PARD3: variants seen among roughly 807,000 people sequenced by gnomAD.
PARD3 encodes partitioning defective 3 homolog.
In PARD3, 75 loss-of-function variants were observed where a neutral mutation model predicts 155.4. That is an observed-to-expected ratio of 0.48 (90% CI 0.40 to 0.58). The LOEUF is 0.58. PARD3 is among the 20% of genes least tolerant of loss of function. The pLI is 0.00. For missense variants in PARD3, 1,642 were observed against 1,721.7 expected (o/e 0.95, Z 0.82); for synonymous variants, 576 against 610.5 (o/e 0.94, Z 0.83).
At chr10:34,153,637 G>A (rs749225246) in intron 22 of PARD3, among the ~76,000 whole-genome samples, 63 of 152,178 alleles carry the variant, frequency 4.1e-4, no homozygotes, top group Admixed American at 2.6e-3. Flanking sequence ...TTTATCAGTA[G>A]TCAGTTTAAT....
At chr10:34,416,106 G>C (rs933134105) in intron 5 of PARD3, among the ~76,000 whole-genome samples, 1 of 152,132 alleles carries the variant, frequency 6.6e-6, no homozygotes, top group African/African-American at 2.4e-5. Flanking sequence ...GTGTATGTAG[G>C]TCTACCCTCC....
chr10:34,747,299 T>C (rs980300425), intron 1 of PARD3, among the ~76,000 whole-genome samples: 1 of 152,178 alleles, frequency 6.6e-6, no homozygotes, highest in Admixed American at 6.5e-5. Context: ...ACAGCCACTC[T>C]AGAGAGAGAC....
intron 2 of PARD3, among the ~76,000 whole-genome samples, chr10:34,673,206 C>T (rs1437923537): frequency 1.3e-5 from 2 of 152,122 alleles, no homozygotes; most frequent in Admixed American, 6.5e-5. Flanking sequence ...CTAAGGAGAA[C>T]CTGCTTCAAT....
At chr10:34,685,632 C>T (rs907797736) in intron 2 of PARD3, among the ~76,000 whole-genome samples, 1 of 147,660 alleles carries the variant, frequency 6.8e-6, no homozygotes, top group African/African-American at 2.5e-5. Context: ...CTCACTTTGT[C>T]GCCCAGGCTG....
At chr10:34,325,159 A>G (rs923306259) in intron 19 of PARD3, among the ~76,000 whole-genome samples, 2 of 152,076 alleles carry the variant, frequency 1.3e-5, no homozygotes, top group African/African-American at 4.8e-5. Flanking sequence ...ACAGGCATGC[A>G]GCACCACGCC....
intron 5 of PARD3, among the ~76,000 whole-genome samples, chr10:34,428,652 TG>T (rs1215186272): frequency 6.6e-6 from 1 of 152,170 alleles, no homozygotes. Flanking sequence ...GTGTTTTCTC[TG>T]GAGTAAAGAG....
At chr10:34,228,886 T>C (rs193299873) in intron 22 of PARD3, among the ~76,000 whole-genome samples, 3 of 152,226 alleles carry the variant, frequency 2.0e-5, no homozygotes, top group East Asian at 1.9e-4. Context: ...TGGGATTATA[T>C]TGAAGCTTCT....
chr10:34,615,322 A>G (rs2091182068), intron 2 of PARD3, among the ~76,000 whole-genome samples: 1 of 152,226 alleles, frequency 6.6e-6, no homozygotes, highest in Non-Finnish European at 1.5e-5. Flanking sequence ...ATCCACATAC[A>G]TGTAGCCAAC....
intron 20 of PARD3, among the ~76,000 whole-genome samples, chr10:34,311,259 ATTTTTT>A (rs1005146341): frequency 6.6e-6 from 1 of 151,510 alleles, no homozygotes; most frequent in African/African-American, 2.4e-5. Context: ...TCAGTTATTT[ATTTTTT>A]TTTATTTATT....
rs190402030 is a variant in PARD3 at position 34,716,929 on chromosome 10, A to T, written c.121-20510T>A. Among the ~76,000 whole-genome samples, 140 of 152,158 alleles carry T rather than the reference A, an allele frequency of 9.2e-4. 1 individual carries two copies. The highest frequency in any genetic ancestry group is 3.2e-3 in the African/African-American group (135 of 41,542). On this transcript the variant is annotated intron_variant, in intron 1 of 24. Coordinates refer to ENST00000374788, the MANE Select transcript of PARD3 (RefSeq NM_001184785.2). ...TGAATGTGGCCCAACACATATTCAT[A>T]AACTTTCTCAAAATAATATCAGATT...
At chr10:34,350,058 G>T (rs1837873713) in intron 14 of PARD3, among the ~76,000 whole-genome samples, 1 of 152,166 alleles carries the variant, frequency 6.6e-6, no homozygotes, top group Admixed American at 6.5e-5. Flanking sequence ...CATCTCAAAA[G>T]ACAGATTTAA....
chr10:34,171,714 C>T lies in PARD3; in HGVS notation c.3420-40131G>A, dbSNP rs183742361. On this transcript the variant is annotated intron_variant, in intron 22 of 24. Transcript: ENST00000374788. ...CTGTAATCCCAGCACTTTGGGAGGCCGAGGCAGGGTGGATCACCTGAGGTC... is the reference window on the plus strand; with the variant it reads ...CTGTAATCCCAGCACTTTGGGAGGCTGAGGCAGGGTGGATCACCTGAGGTC... Among the ~76,000 whole-genome samples the T allele has an allele frequency of 7.6e-4, 115 of 151,724 alleles. 2 individuals are homozygous for T. In the East Asian group the frequency reaches 0.013, roughly 16 times the overall value.
At chr10:34,670,457 G>A (rs1037624216) in intron 2 of PARD3, among the ~76,000 whole-genome samples, 6 of 152,062 alleles carry the variant, frequency 3.9e-5, no homozygotes, top group African/African-American at 9.7e-5. Context: ...TCTTCATATC[G>A]CCTGGTGCTC....
intron 23 of PARD3, among the ~76,000 whole-genome samples, chr10:34,131,205 G>A (rs1947591309): frequency 6.6e-6 from 1 of 152,202 alleles, no homozygotes; most frequent in African/African-American, 2.4e-5. Flanking sequence ...TTAGTTGAGA[G>A]TGAGAATACT....
intron 22 of PARD3, among the ~76,000 whole-genome samples, chr10:34,240,138 T>TAG (rs1199043943): frequency 6.6e-6 from 1 of 152,164 alleles, no homozygotes; most frequent in East Asian, 1.9e-4. Flanking sequence ...AACCGAGGCT[T>TAG]AGAGGTTAAG....
chr10:34,520,623 T>C (rs1231045075), intron 2 of PARD3, among the ~76,000 whole-genome samples: 1 of 152,186 alleles, frequency 6.6e-6, no homozygotes, highest in Non-Finnish European at 1.5e-5. Context: ...CTGTGGCCCA[T>C]ACCGTCTCTT....
At chr10:34,602,000 T>C (rs1486390842) in intron 2 of PARD3, among the ~76,000 whole-genome samples, 2 of 152,282 alleles carry the variant, frequency 1.3e-5, no homozygotes, top group Admixed American at 6.5e-5. Context: ...TGTATAGAGA[T>C]TGTTCCTTTA....
chr10:34,620,599 C>A (rs916671132), intron 2 of PARD3, among the ~76,000 whole-genome samples: 1 of 152,282 alleles, frequency 6.6e-6, no homozygotes. Flanking sequence ...TTACATCAAC[C>A]TTGAAATCCA....
chr10:34,177,806 G>C (rs1425712619), intron 22 of PARD3, among the ~76,000 whole-genome samples: 1 of 152,204 alleles, frequency 6.6e-6, no homozygotes, highest in African/African-American at 2.4e-5. Context: ...AGTTACCAGA[G>C]AGACACCAGA....
Sources: allele counts gnomAD v4.1 joint callset (sites outside exome capture counted in the v4.1 genomes callset), GRCh38; gene constraint gnomAD v4.1.1; transcripts MANE v1.5; gene names NCBI Gene and HGNC (gene_info 2026-07-23, HGNC 2026-07-21).